Variants in ATP8A2 observed in about 807,000 individuals in gnomAD.
The protein encoded by ATP8A2 is ATPase phospholipid transporting 8A2.
Under a neutral mutation model 165.6 loss-of-function variants are expected in ATP8A2, and 100 were observed. That is an observed-to-expected ratio of 0.60 (90% confidence interval 0.51 to 0.71). ATP8A2 has a LOEUF of 0.71. Ranked by LOEUF, ATP8A2 falls within the 30% of genes least tolerant of loss-of-function variation. The pLI is 0.00. For synonymous variants in ATP8A2, 543 were observed against 548.8 expected, an observed-to-expected ratio of 0.99 and a Z score of 0.15; for missense variants, 1,227 against 1,479.5, an observed-to-expected ratio of 0.83 and a Z score of 2.80.
At chr13:25,840,121 C>G (rs865833101) in intron 30 of ATP8A2, among the ~76,000 whole-genome samples, 2 of 152,100 alleles carry the variant, frequency 1.3e-5, no homozygotes, top group Non-Finnish European at 2.9e-5. Flanking sequence ...AACTAATTCT[C>G]CAGATTGGTG....
In ATP8A2 at chr13:25,736,094, A is replaced by G. The variant is rs115115229; in HGVS notation, c.2385-32952A>G. Among the ~76,000 whole-genome samples, 659 of 152,334 alleles carry G rather than the reference A, an allele frequency of 4.3e-3. 6 individuals are homozygous for G. Among genetic ancestry groups the G allele is most frequent in the African/African-American group, 0.015 (632 of 41,580 alleles). On this transcript the variant is annotated intron_variant, in intron 25 of 36. Transcript: ENST00000381655. ...TTCAGTACAGTAGCATGTTGTACAC[A>G]TTTGTAGCCTAGGAGCAATAGGCTG... is the stretch of plus-strand genomic sequence containing the variant.
At chr13:25,869,932 C>T (rs1158132881) in intron 33 of ATP8A2, among the ~76,000 whole-genome samples, 4 of 152,202 alleles carry the variant, frequency 2.6e-5, no homozygotes, top group Non-Finnish European at 4.4e-5. Flanking sequence ...TACTTTGTCA[C>T]AAGGACAGAG....
intron 33 of ATP8A2, among the ~76,000 whole-genome samples, chr13:25,879,721 T>A (rs575452993): frequency 6.6e-6 from 1 of 152,214 alleles, no homozygotes; most frequent in Non-Finnish European, 1.5e-5. Flanking sequence ...AGCAGATTTA[T>A]GCAAACAGCC....
At chr13:25,609,534 G>GGGATTCAAATATATATATACATATTT (rs2040604903) in intron 24 of ATP8A2, among the ~76,000 whole-genome samples, 2 of 42,220 alleles carry the variant, frequency 4.7e-5, no homozygotes, top group Non-Finnish European at 1.4e-4. Flanking sequence ...ATATATATTT[G>GGGATTCAAATATATATATACATATTT]GGATTCAAAT....
At chr13:25,520,603 T>G (rs1203882074) in intron 2 of ATP8A2, among the ~76,000 whole-genome samples, 17 of 146,234 alleles carry the variant, frequency 1.2e-4, no homozygotes, top group East Asian at 5.8e-4. Context: ...TTTTTTTTTT[T>G]TTGTTTTTTT....
intron 25 of ATP8A2, among the ~76,000 whole-genome samples, chr13:25,752,712 G>T (rs1245967467): frequency 1.3e-5 from 2 of 152,164 alleles, no homozygotes; most frequent in Non-Finnish European, 2.9e-5. Flanking sequence ...CTAACTCCTG[G>T]CCAGTGCTTG....
chr13:25,422,893 C>T (rs2034340264), intron 1 of ATP8A2, among the ~76,000 whole-genome samples: 1 of 152,190 alleles, frequency 6.6e-6, no homozygotes, highest in Admixed American at 6.5e-5. Flanking sequence ...TATTTTGTGT[C>T]AGGTTTTGAT....
chr13:25,454,792 C>T (rs1367724937), intron 1 of ATP8A2, among the ~76,000 whole-genome samples: 1 of 152,288 alleles, frequency 6.6e-6, no homozygotes, highest in Non-Finnish European at 1.5e-5. Context: ...CGTGATGGCA[C>T]ACACCTGTAA....
intron 35 of ATP8A2, among the ~76,000 whole-genome samples, chr13:25,984,597 C>CA (rs11314872): frequency 1.0e-4 from 14 of 136,174 alleles, no homozygotes; most frequent in African/African-American, 2.4e-4. Flanking sequence ...GACTTTGTCT[C>CA]AAAAAAAAAA....
chr13:25,489,378 G>GC (rs1353592996), intron 2 of ATP8A2, among the ~76,000 whole-genome samples: 1 of 152,144 alleles, frequency 6.6e-6, no homozygotes, highest in Non-Finnish European at 1.5e-5. Context: ...GGCTCAGGTT[G>GC]CATCTCTGTA....
chr13:25,747,566 G>A (rs542272721), intron 25 of ATP8A2, among the ~76,000 whole-genome samples: 1 of 147,440 alleles, frequency 6.8e-6, no homozygotes, highest in African/African-American at 2.5e-5. Context: ...TCATGGAGGA[G>A]GGGTTAGACA....
At position 26,025,352 on chromosome 13, in the gene ATP8A2, GCAGCTGCAGCAGGGC is replaced by G. The variant is rs1470231505; in HGVS notation, c.*5377_*5391del. 6.6e-6 allele frequency: 1 copy of G among 152,212 alleles called. No homozygotes were observed. Among genetic ancestry groups the G allele is most frequent in the Non-Finnish European group, 1.5e-5 (1 of 68,070 alleles). The allele number at this position is 152,212 out of a possible 1,614,324, so 9.4% of individuals were successfully genotyped here. A position where few individuals can be genotyped will look rare whatever the true frequency, so the allele number is the denominator to read the frequency against. On this transcript the variant is annotated 3_prime_UTR_variant, in exon 37 of 37. Coordinates refer to ENST00000381655, the MANE Select transcript of ATP8A2 (RefSeq NM_016529.6). ...AGCCTCCCTCTCAAGGGCCACGCAGGCAGCTGCAGCAGGGCCAGCTGCAGGATGGGGCTGCCGGTC... is the reference window on the plus strand; with the variant it reads ...AGCCTCCCTCTCAAGGGCCACGCAGGCAGCTGCAGGATGGGGCTGCCGGTC...
intron 25 of ATP8A2, among the ~76,000 whole-genome samples, chr13:25,731,245 G>A (rs867941659): frequency 1.3e-3 from 164 of 124,120 alleles, no homozygotes; most frequent in African/African-American, 5.5e-3. Flanking sequence ...AGAGAGAGAG[G>A]AAGGAAGGAA....
At chr13:25,808,808 G>A (rs570912899) in intron 27 of ATP8A2, among the ~76,000 whole-genome samples, 2 of 151,900 alleles carry the variant, frequency 1.3e-5, no homozygotes, top group South Asian at 4.2e-4. Context: ...TCATCTTTCA[G>A]ATACACTTTA....
At chr13:25,464,446 TAAAAAA>T (rs34063090) in intron 1 of ATP8A2, among the ~76,000 whole-genome samples, 1 of 127,464 alleles carries the variant, frequency 7.8e-6, no homozygotes, top group Non-Finnish European at 1.6e-5. Flanking sequence ...CATCTCTATC[TAAAAAA>T]AAAAAAAAAA....
intron 33 of ATP8A2, chr13:25,868,065 G>A: frequency 2.2e-6 from 1 of 454,880 alleles, no homozygotes; most frequent in Non-Finnish European, 4.4e-6. Context: ...CCGGCCTTGT[G>A]GGTAGCCCCG....
chr13:25,448,127 G>A (rs899297993), intron 1 of ATP8A2, among the ~76,000 whole-genome samples: 2 of 152,176 alleles, frequency 1.3e-5, no homozygotes, highest in Admixed American at 6.5e-5. Flanking sequence ...GCTTGAGGGT[G>A]GAACCCTTGC....
At chr13:25,991,173 A>G (rs1956385260) in intron 35 of ATP8A2, among the ~76,000 whole-genome samples, 1 of 152,204 alleles carries the variant, frequency 6.6e-6, no homozygotes, top group African/African-American at 2.4e-5. Context: ...GCGAGATAGC[A>G]TTGCTTAGCA....
intron 33 of ATP8A2, among the ~76,000 whole-genome samples, chr13:25,900,397 C>G (rs187414065): frequency 2.6e-5 from 4 of 152,132 alleles, no homozygotes; most frequent in African/African-American, 9.7e-5. Flanking sequence ...TCAGCCAAAA[C>G]GTGTCCCAAG....
Sources: allele counts gnomAD v4.1 joint callset (sites outside exome capture counted in the v4.1 genomes callset), GRCh38; gene constraint gnomAD v4.1.1; transcripts MANE v1.5; gene names NCBI Gene and HGNC (gene_info 2026-07-23, HGNC 2026-07-21).